Variants in AQR observed in about 807,000 individuals in gnomAD.
AQR encodes RNA helicase aquarius.
A neutral mutation model predicts 180.5 loss-of-function variants in AQR; 61 were observed. That is an observed-to-expected ratio of 0.34 (90% CI 0.28 to 0.42). The LOEUF is 0.42. Ranked by LOEUF, AQR falls within the 10% of genes least tolerant of loss-of-function variation. The pLI, the probability that AQR is intolerant of heterozygous loss-of-function variation, is 1.00. For synonymous variants in AQR, 551 were observed against 588.8 expected (o/e 0.94, Z 0.93); for missense variants, 1,281 against 1,798.3 (o/e 0.71, Z 5.20).
At chr15:34,878,623 C>A (rs544397400) in intron 27 of AQR, among the ~76,000 whole-genome samples, 11 of 152,158 alleles carry the variant, frequency 7.2e-5, no homozygotes, top group African/African-American at 2.7e-4. Flanking sequence ...ACATTGAATT[C>A]ATATTTCCTT....
At position 34,853,256 on chromosome 15, in the gene AQR, T is replaced by C. The variant is rs1434691799; in HGVS notation, c.*3536A>G. On this transcript the variant is annotated 3_prime_UTR_variant, in exon 35 of 35. Transcript: ENST00000156471. ...AAAGGGTCACTGTTTTTTTTTTTTT[T>C]TTAACTTTATCTTGTTTTGATTGAA... is the stretch of plus-strand genomic sequence containing the variant. The C allele has an allele frequency of 6.6e-6, 1 of 152,060 alleles. No individual in the cohort carries two copies. Among genetic ancestry groups the C allele is most frequent in the Non-Finnish European group, 1.5e-5 (1 of 68,018 alleles). 9.4% of individuals were successfully genotyped at this position (152,060 alleles called of 1,614,324 possible).
chr15:34,871,230 G>A (rs1244367484), intron 30 of AQR, among the ~76,000 whole-genome samples: 1 of 152,122 alleles, frequency 6.6e-6, no homozygotes, highest in Non-Finnish European at 1.5e-5. Flanking sequence ...ATTCTGGCCA[G>A]GCATGGTAGC....
chr15:34,964,517 C>T (rs1472969175), intron 1 of AQR: 2 of 622,774 alleles, frequency 3.2e-6, no homozygotes, highest in African/African-American at 3.6e-5. Flanking sequence ...GTGATATAAA[C>T]AAACAAACAA....
rs556341545 is a variant in AQR, at chr15:34,926,142, CGA to C, written c.1118+891_1118+892del. Among the ~76,000 whole-genome samples the C allele has an allele frequency of 2.5e-3, 382 of 151,338 alleles. 1 individual carries two copies. The highest frequency in any genetic ancestry group is 8.8e-3 in the African/African-American group (364 of 41,210). The stretch of plus-strand genomic sequence containing the variant: ...CTGCAGTCTGGCCTGGGCGAAAGAG[CGA>C]GACTCCGTCTCAAAAAAATAAAATA... On this transcript the variant is annotated intron_variant, in intron 13 of 34. Transcript: ENST00000156471.
At chr15:34,958,882 A>C (rs1894370383) in intron 3 of AQR, among the ~76,000 whole-genome samples, 1 of 152,138 alleles carries the variant, frequency 6.6e-6, no homozygotes, top group Non-Finnish European at 1.5e-5. Context: ...GAATTTGCCT[A>C]ATTATTCTGA....
chr15:34,918,443 A>G (rs1893630358), intron 14 of AQR, 65 bp from the exon 15 acceptor site: 3 of 1,562,676 alleles, frequency 1.9e-6, no homozygotes, highest in Non-Finnish European at 2.6e-6. Context: ...AAAATAATTT[A>G]TGGAAGAAGT....
At chr15:34,870,955 AT>A (rs1332014848) in intron 30 of AQR, 33 bp from the exon 31 acceptor site, 1 of 1,580,594 alleles carries the variant, frequency 6.3e-7, no homozygotes. Context: ...CTGTGCATTC[AT>A]TTGCTTTTGT....
At position 34,969,572 on chromosome 15, in the gene AQR, C is replaced by A. The variant is rs746147444; in HGVS notation, c.42G>T (p.Thr14=). Residue 14 remains threonine (T), a synonymous_variant, in exon 1 of 35, where the codon ACG becomes ACT. Coordinates refer to ENST00000156471, the MANE Select transcript of AQR (RefSeq NM_014691.3). ...CGAACTCCGCATTGATTTGGGACAC[C>A]GTAGGGGCCACGATCTTCTTGGGCT... The part of the protein sequence containing the change: ...PAQPKKIVAP[T]VSQINAEFVT... 3.1e-5 allele frequency: 50 copies of A among 1,613,622 alleles called. No homozygotes were observed. Among genetic ancestry groups the A allele is most frequent in the Non-Finnish European group, 4.2e-5 (49 of 1,180,022 alleles).
At chr15:34,946,052 T>C (rs1355718171) in intron 5 of AQR, among the ~76,000 whole-genome samples, 4 of 152,058 alleles carry the variant, frequency 2.6e-5, no homozygotes, top group Admixed American at 6.5e-5. Context: ...GGGTGGATCA[T>C]CTAAGGTCAG....
chr15:34,904,538 T>C (rs2140478150), intron 18 of AQR, 33 bp from the exon 19 acceptor site: 5 of 1,554,718 alleles, frequency 3.2e-6, no homozygotes, highest in Non-Finnish European at 8.7e-7. Context: ...TTAAATAAAA[T>C]ATGTATTTTT....
intron 13 of AQR, among the ~76,000 whole-genome samples, chr15:34,922,533 T>C (rs1595798242): frequency 6.6e-6 from 1 of 152,154 alleles, no homozygotes; most frequent in East Asian, 1.9e-4. Flanking sequence ...GAGTCAATAT[T>C]ATCCGTTTTG....
Position 34,969,711 on chromosome 15 carries a change from A to T in AQR, c.-98T>A. The T allele has an allele frequency of 1.6e-6, 2 of 1,258,872 alleles. No individual in the cohort carries two copies. Among genetic ancestry groups the T allele is most frequent in the Non-Finnish European group, 2.2e-6 (2 of 919,784 alleles). The allele number at this position is 1,258,872 out of a possible 1,614,324, so 78.0% of individuals were successfully genotyped here. A position where few individuals can be genotyped will look rare whatever the true frequency, so the allele number is the denominator to read the frequency against. ...CCTTAAGTTACTGCCGGGGCGCTTA[A>T]CTCCGCGCCGCACAAACGCTCCGGG... On this transcript the variant is annotated 5_prime_UTR_variant, in exon 1 of 35. Transcript: ENST00000156471.
At chr15:34,932,829 C>A (rs1595801904) in intron 10 of AQR, among the ~76,000 whole-genome samples, 1 of 152,134 alleles carries the variant, frequency 6.6e-6, no homozygotes, top group African/African-American at 2.4e-5. Context: ...GTGATGGGCG[C>A]CTGTAATCCC....
chr15:34,912,514 T>C (rs1358361716), intron 16 of AQR, among the ~76,000 whole-genome samples: 5 of 152,056 alleles, frequency 3.3e-5, no homozygotes, highest in Admixed American at 3.3e-4. Context: ...CTATAAGCTG[T>C]TTCAAATACA....
At chr15:34,879,851 C>T (rs943800289) in intron 27 of AQR, among the ~76,000 whole-genome samples, 1 of 152,106 alleles carries the variant, frequency 6.6e-6, no homozygotes, top group African/African-American at 2.4e-5. Flanking sequence ...CAGAAATGAG[C>T]ACCACACAGA....
At chr15:34,926,035 C>T (rs1164242592) in intron 13 of AQR, among the ~76,000 whole-genome samples, 7 of 149,736 alleles carry the variant, frequency 4.7e-5, no homozygotes, top group South Asian at 2.1e-4. Flanking sequence ...GGCGTGGTGG[C>T]GGGCGCCTGT....
chr15:34,932,215 A>C, intron 11 of AQR, 103 bp downstream of exon 11: 1 of 915,144 alleles, frequency 1.1e-6, no homozygotes, highest in Non-Finnish European at 1.7e-6. Context: ...CTTTAAAATA[A>C]CTAGGAGTTT....
chr15:34,939,417 C>A (rs954234944), intron 8 of AQR, among the ~76,000 whole-genome samples: 4 of 152,038 alleles, frequency 2.6e-5, no homozygotes, highest in African/African-American at 9.7e-5. Context: ...ACAAGTCAGA[C>A]CGAGAAAGAA....
chr15:34,962,074 G>A (rs991101563), intron 2 of AQR, among the ~76,000 whole-genome samples: 3 of 149,920 alleles, frequency 2.0e-5, no homozygotes, highest in Non-Finnish European at 4.4e-5. Context: ...CTAGGGTGGA[G>A]TGTAGCAGTG....
Sources: gnomAD v4.1 joint callset for allele counts (sites outside exome capture counted in the v4.1 genomes callset) on GRCh38, gnomAD v4.1.1 for gene constraint, MANE v1.5 for transcripts, NCBI Gene and HGNC (gene_info 2026-07-23, HGNC 2026-07-21) for gene names.